GALNTL6: variants seen among roughly 807,000 people sequenced by gnomAD.
The protein encoded by GALNTL6 is polypeptide N-acetylgalactosaminyltransferase-like 6.
In GALNTL6, 46 loss-of-function variants were observed where a neutral mutation model predicts 73.7. The observed-to-expected ratio is 0.62, with a 90% CI of 0.49 to 0.80. The LOEUF (loss-of-function observed/expected upper bound fraction) is 0.80, where lower values mean the gene tolerates loss of function less well. Ranked by LOEUF, GALNTL6 falls within the 30% of genes least tolerant of loss-of-function variation. GALNTL6 has a pLI of 0.00. For synonymous variants in GALNTL6, 259 were observed against 263.7 expected, an observed-to-expected ratio of 0.98 and a Z score of 0.17; for missense variants, 604 against 755.0, an observed-to-expected ratio of 0.80 and a Z score of 2.34.
chr4:172,857,269 G>A (rs1744166676), intron 7 of GALNTL6, among the ~76,000 whole-genome samples: 1 of 152,138 alleles, frequency 6.6e-6, no homozygotes, highest in Admixed American at 6.6e-5. Context: ...GAAAGAAGTG[G>A]GGACTGCTTC....
chr4:172,220,344 A>G (rs1736633408), intron 2 of GALNTL6, among the ~76,000 whole-genome samples: 1 of 151,704 alleles, frequency 6.6e-6, no homozygotes, highest in South Asian at 2.1e-4. Context: ...CAGAACTGCT[A>G]TTTCTTTTGG....
intron 2 of GALNTL6, among the ~76,000 whole-genome samples, chr4:172,065,177 G>T (rs957115216): frequency 5.3e-5 from 8 of 151,934 alleles, no homozygotes; most frequent in African/African-American, 1.9e-4. Context: ...GGTTAGGGGG[G>T]ATAGTTTCAA....
chr4:172,183,695 G>A (rs1197319927), intron 2 of GALNTL6, among the ~76,000 whole-genome samples: 1 of 151,922 alleles, frequency 6.6e-6, no homozygotes, highest in Non-Finnish European at 1.5e-5. Flanking sequence ...CTCTTACAAG[G>A]AATAAACATT....
At chr4:172,569,928 T>G (rs1305090642) in intron 5 of GALNTL6, among the ~76,000 whole-genome samples, 1 of 152,142 alleles carries the variant, frequency 6.6e-6, no homozygotes, top group Non-Finnish European at 1.5e-5. Flanking sequence ...AAGGAGGACG[T>G]AGTACGACAG....
intron 5 of GALNTL6, among the ~76,000 whole-genome samples, chr4:172,792,343 A>ACG (rs980906669): frequency 2.0e-5 from 1 of 48,992 alleles, no homozygotes; most frequent in Admixed American, 2.5e-4. Context: ...GTATATATAT[A>ACG]CACGTGTGTA....
At chr4:172,349,105 C>T (rs28556781) in intron 5 of GALNTL6, among the ~76,000 whole-genome samples, 31,973 of 151,980 alleles carry the variant, frequency 0.21, 3,682 homozygotes, top group East Asian at 0.36. Flanking sequence ...CCAGGCTGTG[C>T]TTGTGTTACT....
chr4:172,763,257 A>G (rs1173720769), intron 5 of GALNTL6, among the ~76,000 whole-genome samples: 1 of 152,240 alleles, frequency 6.6e-6, no homozygotes, highest in African/African-American at 2.4e-5. Flanking sequence ...CTTATAAGTA[A>G]TCAGAGAGAA....
chr4:172,217,941 A>G (rs1387057691), intron 2 of GALNTL6, among the ~76,000 whole-genome samples: 1 of 152,070 alleles, frequency 6.6e-6, no homozygotes, highest in African/African-American at 2.4e-5. Flanking sequence ...CTTGGTTTTC[A>G]TGTCCCCTTT....
chr4:172,849,193 C>A (rs1038892283), intron 7 of GALNTL6, among the ~76,000 whole-genome samples: 1 of 152,104 alleles, frequency 6.6e-6, no homozygotes, highest in African/African-American at 2.4e-5. Context: ...TCAATATAAT[C>A]CTCTTTTTGT....
intron 5 of GALNTL6, among the ~76,000 whole-genome samples, chr4:172,364,875 T>G (rs1475849531): frequency 1.3e-5 from 2 of 152,160 alleles, no homozygotes; most frequent in African/African-American, 4.8e-5. Context: ...ATAGAGAATT[T>G]TTTTCTCCCC....
At chr4:172,676,172 G>T (rs1393053785) in intron 5 of GALNTL6, among the ~76,000 whole-genome samples, 1 of 152,202 alleles carries the variant, frequency 6.6e-6, no homozygotes, top group Non-Finnish European at 1.5e-5. Context: ...GCCATGTAAA[G>T]TATTTGATTT....
intron 2 of GALNTL6, among the ~76,000 whole-genome samples, chr4:171,957,050 C>T (rs1009587439): frequency 6.6e-5 from 10 of 152,190 alleles, no homozygotes; most frequent in African/African-American, 2.4e-4. Flanking sequence ...GATGGCCTCA[C>T]TGCGGGGAAT....
chr4:171,928,139 A>G (rs550383922), intron 2 of GALNTL6, among the ~76,000 whole-genome samples: 55 of 152,336 alleles, frequency 3.6e-4, no homozygotes, highest in African/African-American at 1.2e-3. Flanking sequence ...TCAAATTGTT[A>G]TTGGAGAATA....
Position 171,924,215 on chromosome 4 carries a change from A to ACAAAC in GALNTL6, c.138+109497_138+109498insCAAAC, listed in dbSNP as rs1560843329. ...ACACACACACACACACACACACACA[A>ACAAAC]ACACACACACACAGAGTTTGTCCAG... On this transcript the variant is annotated intron_variant, in intron 2 of 12. Coordinates refer to ENST00000506823, the MANE Select transcript of GALNTL6 (RefSeq NM_001034845.3). 8.1e-3 allele frequency among the ~76,000 whole-genome samples: 964 copies of ACAAAC among 118,648 alleles called. 14 individuals carry two copies. The highest frequency in any genetic ancestry group is 0.029 in the African/African-American group (912 of 31,900). 77.8% of individuals were successfully genotyped at this position (118,648 alleles called of 152,430 possible).
rs376329381 is a variant in GALNTL6 at position 172,159,295 on chromosome 4, G to A, written c.139-70361G>A. Among the ~76,000 whole-genome samples, 27 of 152,266 alleles carry A rather than the reference G, an allele frequency of 1.8e-4. No individual in the cohort carries two copies. The East Asian group carries it at 5.0e-3, about 28-fold the overall frequency. On this transcript the variant is annotated intron_variant, in intron 2 of 12. Coordinates refer to ENST00000506823, the MANE Select transcript of GALNTL6 (RefSeq NM_001034845.3). ...ACCTACTGTATCTAGGCACTGGAAG[G>A]TTAATGGTGAGCAAATCGGTTATTG...
At chr4:172,943,154 T>G (rs774326315) in intron 9 of GALNTL6, among the ~76,000 whole-genome samples, 8 of 151,914 alleles carry the variant, frequency 5.3e-5, no homozygotes, top group Non-Finnish European at 4.4e-5. Context: ...GCTTTCTCCT[T>G]GTTCTCTTGG....
At chr4:172,444,205 G>T (rs1209289169) in intron 5 of GALNTL6, among the ~76,000 whole-genome samples, 1 of 152,184 alleles carries the variant, frequency 6.6e-6, no homozygotes, top group Non-Finnish European at 1.5e-5. Context: ...TGACTGTTTA[G>T]GTTATGACTT....
intron 7 of GALNTL6, among the ~76,000 whole-genome samples, chr4:172,825,455 C>T (rs542515560): frequency 1.3e-5 from 2 of 152,214 alleles, no homozygotes; most frequent in East Asian, 3.9e-4. Flanking sequence ...TCTGTGTCTT[C>T]CTCCAGCATG....
chr4:172,635,365 G>T (rs1056128618), intron 5 of GALNTL6, among the ~76,000 whole-genome samples: 9 of 151,764 alleles, frequency 5.9e-5, no homozygotes, highest in African/African-American at 1.7e-4. Flanking sequence ...GGAACTTTAT[G>T]GTAACTTGAA....
Sources: allele counts gnomAD v4.1 joint callset (sites outside exome capture counted in the v4.1 genomes callset), GRCh38; gene constraint gnomAD v4.1.1; transcripts MANE v1.5; gene names NCBI Gene and HGNC (gene_info 2026-07-23, HGNC 2026-07-21).